IL34: variants seen among roughly 807,000 people sequenced by gnomAD.
IL34 encodes the protein interleukin 34.
IL34 carries 17 observed loss-of-function variants against 25.3 expected under a neutral mutation model. The ratio of observed to expected loss-of-function variants is 0.67; its 90% CI spans 0.46 to 1.01. The LOEUF (loss-of-function observed/expected upper bound fraction) is 1.01. Among genes scored for constraint, IL34 ranks in the 50% least tolerant of loss-of-function variants. The probability of loss-of-function intolerance (pLI) is 0.00; values close to 1 mark genes in which losing one functional copy is unlikely to be tolerated. For synonymous variants in IL34, 174 were observed against 140.9 expected (o/e 1.23, Z -1.66); for missense variants, 368 against 312.9 (o/e 1.18, Z -1.33).
chr16:70,600,290 C>T (rs1004787939), intron 1 of IL34, among the ~76,000 whole-genome samples: 1 of 152,176 alleles, frequency 6.6e-6, no homozygotes, highest in African/African-American at 2.4e-5. Context: ...TCTCCAATCA[C>T]CTCTTTCATT....
At chr16:70,620,182 A>G (rs1045883041) in intron 1 of IL34, among the ~76,000 whole-genome samples, 1 of 152,184 alleles carries the variant, frequency 6.6e-6, no homozygotes, top group Non-Finnish European at 1.5e-5. Flanking sequence ...TATTTTGAGA[A>G]TAAGATGGCC....
chr16:70,648,606 A>G (rs28630970), intron 1 of IL34, among the ~76,000 whole-genome samples: 8 of 144,358 alleles, frequency 5.5e-5, no homozygotes, highest in African/African-American at 1.8e-4. Context: ...AAGAAAAGCA[A>G]GGGAGAGGGG....
intron 1 of IL34, among the ~76,000 whole-genome samples, chr16:70,613,117 C>A (rs957494827): frequency 6.6e-6 from 1 of 152,160 alleles, no homozygotes; most frequent in African/African-American, 2.4e-5. Context: ...TCTTCAGGTT[C>A]CCACAGCAGG....
In IL34 at chr16:70,646,788, C is replaced by A. The variant is rs947206519; in HGVS notation, c.-160C>A. The A allele has an allele frequency of 1.1e-5, 7 of 622,284 alleles. No homozygotes were observed. In the South Asian group the frequency reaches 1.6e-4, roughly 14 times the overall value. The allele number at this position is 622,284 out of a possible 1,614,324, so 38.5% of individuals were successfully genotyped here. A position where few individuals can be genotyped will look rare whatever the true frequency, so the allele number is the denominator to read the frequency against. ...AAGGGCAGCTGCTGCCCTTGGGGCA[C>A]CTGCTCACTCCCGCAGCCCAGCCAC... On this transcript the variant is annotated 5_prime_UTR_variant, in exon 1 of 6. Transcript: ENST00000288098.
chr16:70,647,988 G>A (rs1429096706), intron 1 of IL34, among the ~76,000 whole-genome samples: 1 of 152,216 alleles, frequency 6.6e-6, no homozygotes, highest in Non-Finnish European at 1.5e-5. Flanking sequence ...TCCAGGAAGA[G>A]GGGCCAGTGT....
intron 1 of IL34, among the ~76,000 whole-genome samples, chr16:70,609,860 A>G (rs1015162355): frequency 1.8e-4 from 27 of 152,158 alleles, no homozygotes; most frequent in African/African-American, 5.6e-4. Context: ...TATAGCTAGA[A>G]TTGGAACCCA....
chr16:70,654,488 G>C (rs1457786416), intron 1 of IL34, 50 bp from the exon 2 acceptor site: 1 of 1,547,192 alleles, frequency 6.5e-7, no homozygotes, highest in South Asian at 1.2e-5. Flanking sequence ...TGTGGACGGC[G>C]TGGATGAGAT....
At chr16:70,622,088 A>G (rs1040259879) in intron 1 of IL34, among the ~76,000 whole-genome samples, 1 of 152,022 alleles carries the variant, frequency 6.6e-6, no homozygotes, top group Non-Finnish European at 1.5e-5. Flanking sequence ...TAAGAGCCTG[A>G]AAAACTGCTT....
intron 1 of IL34, among the ~76,000 whole-genome samples, chr16:70,596,202 C>G (rs1232338523): frequency 6.6e-6 from 1 of 152,052 alleles, no homozygotes; most frequent in Non-Finnish European, 1.5e-5. Flanking sequence ...TCTGGGGTCT[C>G]TTTTATAAGG....
At chr16:70,650,949 G>A (rs1221393023) in intron 1 of IL34, among the ~76,000 whole-genome samples, 2 of 152,236 alleles carry the variant, frequency 1.3e-5, no homozygotes, top group African/African-American at 4.8e-5. Flanking sequence ...ACAGGCTCAC[G>A]CCTGTAATCC....
intron 1 of IL34, among the ~76,000 whole-genome samples, chr16:70,639,441 G>T (rs1298404406): frequency 6.6e-6 from 1 of 152,148 alleles, no homozygotes; most frequent in Non-Finnish European, 1.5e-5. Flanking sequence ...TGCCTCATGG[G>T]GAAACGCTTG....
intron 1 of IL34, among the ~76,000 whole-genome samples, chr16:70,651,693 C>A (rs1040039405): frequency 6.6e-6 from 1 of 151,588 alleles, no homozygotes. Flanking sequence ...GGGGAAAATC[C>A]AATCAGTAAT....
chr16:70,612,943 TTA>T (rs1440749198), intron 1 of IL34, among the ~76,000 whole-genome samples: 2 of 152,166 alleles, frequency 1.3e-5, no homozygotes, highest in African/African-American at 4.8e-5. Flanking sequence ...CAGCTAATTT[TTA>T]TATGTTTAGT....
chr16:70,643,335 A>T (rs2051831639), upstream of IL34, among the ~76,000 whole-genome samples: 1 of 152,106 alleles, frequency 6.6e-6, no homozygotes, highest in Admixed American at 6.6e-5. Flanking sequence ...AACTGCAGGG[A>T]TGACAGGAGT....
intron 1 of IL34, among the ~76,000 whole-genome samples, chr16:70,647,951 G>A (rs1305021097): frequency 6.6e-6 from 1 of 152,196 alleles, no homozygotes; most frequent in Non-Finnish European, 1.5e-5. Context: ...GGTCACACAG[G>A]TAGACCTGGG....
intron 1 of IL34, among the ~76,000 whole-genome samples, chr16:70,620,012 G>A (rs1182207835): frequency 1.3e-5 from 2 of 151,912 alleles, no homozygotes; most frequent in African/African-American, 4.8e-5. Context: ...TGGAGATGTG[G>A]CTGGGGTTTG....
At chr16:70,609,762 A>G (rs1248998677) in intron 1 of IL34, among the ~76,000 whole-genome samples, 2 of 152,148 alleles carry the variant, frequency 1.3e-5, no homozygotes, top group Non-Finnish European at 2.9e-5. Context: ...GATATTACCC[A>G]TGAGGCCAGT....
At chr16:70,606,504 C>T (rs568585062) in intron 1 of IL34, among the ~76,000 whole-genome samples, 4 of 152,244 alleles carry the variant, frequency 2.6e-5, no homozygotes, top group African/African-American at 7.2e-5. Context: ...TCCTCCCTGC[C>T]GACTCTCCAC....
chr16:70,660,516 C>A lies in IL34; in HGVS notation c.*329C>A. 1 of 258,000 alleles carries A rather than the reference C, an allele frequency of 3.9e-6. No homozygotes were observed. The highest frequency in any genetic ancestry group is 7.3e-6 in the Non-Finnish European group (1 of 136,396). 16.0% of individuals were successfully genotyped at this position (258,000 alleles called of 1,614,324 possible). ...CCTGTGGCCCGCAGCAGTGAGGGCA[C>A]AGCTGTGGGTTGCAGGGGAGACAGC... On this transcript the variant is annotated 3_prime_UTR_variant, in exon 6 of 6. Transcript: ENST00000288098.
Sources: allele counts gnomAD v4.1 joint callset (sites outside exome capture counted in the v4.1 genomes callset), GRCh38; gene constraint gnomAD v4.1.1; transcripts MANE v1.5; gene names NCBI Gene and HGNC (gene_info 2026-07-23, HGNC 2026-07-21).